PDXDC1: variants seen among roughly 807,000 people sequenced by gnomAD.
PDXDC1 encodes pyridoxal dependent decarboxylase domain containing 1, also known as pyridoxal-dependent decarboxylase domain-containing protein 1.
A neutral mutation model predicts 100.1 loss-of-function variants in PDXDC1; 42 were observed. The observed-to-expected ratio is 0.42, with a 90% CI of 0.33 to 0.54. The LOEUF (loss-of-function observed/expected upper bound fraction) is 0.54. Among genes scored for constraint, PDXDC1 ranks in the 20% least tolerant of loss-of-function variants. The pLI is 0.10. For missense variants in PDXDC1, 636 were observed against 979.2 expected (o/e 0.65, Z 4.68); for synonymous variants, 260 against 371.7 (o/e 0.70, Z 3.46).
chr16:15,016,924 AT>A (rs1255167257), intron 9 of PDXDC1, among the ~76,000 whole-genome samples, 195 bp from the exon 10 acceptor site: 15 of 152,284 alleles, frequency 9.9e-5, no homozygotes, highest in African/African-American at 3.6e-4. Context: ...CCTGAGACAC[AT>A]TTTTATTAAA....
intron 16 of PDXDC1, among the ~76,000 whole-genome samples, chr16:15,096,791 C>T (rs1482406589): frequency 6.6e-6 from 1 of 152,232 alleles, no homozygotes; most frequent in African/African-American, 2.4e-5. Context: ...TTATGCAATC[C>T]TCTCACCTCA....
At chr16:15,083,395 T>C (rs1302461983) in intron 16 of PDXDC1, 2 of 1,470,522 alleles carry the variant, frequency 1.4e-6, no homozygotes, top group Non-Finnish European at 1.8e-6. Flanking sequence ...TGAGACTCGG[T>C]CTCAAAAAAG....
At chr16:15,071,099 T>C (rs778942439) in intron 16 of PDXDC1, 9 of 1,586,278 alleles carry the variant, frequency 5.7e-6, no homozygotes, top group East Asian at 2.2e-5. Context: ...TTAAAAAGTA[T>C]TCGGAAAATT....
At chr16:15,100,560 T>G (rs1180167442) in intron 16 of PDXDC1, among the ~76,000 whole-genome samples, 1 of 152,146 alleles carries the variant, frequency 6.6e-6, no homozygotes, top group Non-Finnish European at 1.5e-5. Flanking sequence ...TTCAGCAGCA[T>G]CCCTGGCCTC....
chr16:15,111,694 G>A (rs1424564436), intron 16 of PDXDC1, among the ~76,000 whole-genome samples: 1 of 125,416 alleles, frequency 8.0e-6, no homozygotes. Flanking sequence ...AGAGGCAGAG[G>A]TTGCAGTGAG....
chr16:15,031,910 A>T lies in PDXDC1; in HGVS notation c.1571+4A>T. On this transcript the variant is annotated splice_donor_region_variant and intron_variant, in intron 17 of 22. Coordinates refer to ENST00000396410, the MANE Select transcript of PDXDC1 (RefSeq NM_015027.4). ...GGTCTGGAATAGGGGTTGTCAGGTAAAGTCTTGGCCTGCCGCTTGATGTTG... is the reference window on the plus strand; with the variant it reads ...GGTCTGGAATAGGGGTTGTCAGGTATAGTCTTGGCCTGCCGCTTGATGTTG... 1 of 1,598,504 alleles carries T rather than the reference A, an allele frequency of 6.3e-7. No homozygotes were observed. The highest frequency in any genetic ancestry group is 8.5e-7 in the Non-Finnish European group (1 of 1,170,692).
chr16:15,075,609 G>C (rs2045421558), intron 16 of PDXDC1, among the ~76,000 whole-genome samples: 1 of 151,842 alleles, frequency 6.6e-6, no homozygotes, highest in African/African-American at 2.4e-5. Context: ...AAGAAATGCA[G>C]ACACCTTTCC....
intron 1 of PDXDC1, among the ~76,000 whole-genome samples, chr16:14,976,157 C>G (rs1279673741): frequency 6.6e-6 from 1 of 152,290 alleles, no homozygotes; most frequent in Non-Finnish European, 1.5e-5. Context: ...GCTTTCGGTA[C>G]CTGACATTCT....
At chr16:14,982,082 G>C (rs1475248797) in intron 1 of PDXDC1, among the ~76,000 whole-genome samples, 2 of 152,272 alleles carry the variant, frequency 1.3e-5, no homozygotes, top group Non-Finnish European at 2.9e-5. Flanking sequence ...CACTGCACCC[G>C]GCCTATTTTT....
chr16:15,101,189 C>T (rs1012648911), intron 16 of PDXDC1, among the ~76,000 whole-genome samples: 2 of 152,144 alleles, frequency 1.3e-5, no homozygotes, highest in Non-Finnish European at 2.9e-5. Flanking sequence ...GGCAGGTTCT[C>T]CGTAAATGAC....
At chr16:15,002,246 G>T (rs1973320896) in intron 4 of PDXDC1, among the ~76,000 whole-genome samples, 1 of 152,268 alleles carries the variant, frequency 6.6e-6, no homozygotes, top group Non-Finnish European at 1.5e-5. Context: ...TTATTCTCTT[G>T]GTTCAAAATT....
In PDXDC1 at chr16:15,029,973, T is replaced by C; in HGVS notation, c.1316T>C (p.Leu439Pro). Residue 439 changes from leucine to proline, a missense_variant, in exon 16 of 23, where the codon CTG (leucine) becomes CCG (proline). Physicochemically the swap from Leu to Pro is moderately conservative, Grantham distance 98 (BLOSUM62 -3). Coordinates refer to ENST00000396410, the MANE Select transcript of PDXDC1 (RefSeq NM_015027.4). ...CAGCTGGGAGAACAGCTGAAGCAGC[T>C]GGTGCCTGCAAGCGGCCTCACAGTC... ...NRWLGEQLKQLVPASGLTVMD... is the reference protein window; with the variant it reads ...NRWLGEQLKQPVPASGLTVMD... 1 of 1,554,534 alleles carries C rather than the reference T, an allele frequency of 6.4e-7. No individual in the cohort carries two copies. Among genetic ancestry groups the C allele is most frequent in the Non-Finnish European group, 8.7e-7 (1 of 1,148,530 alleles).
chr16:14,993,259 A>G (rs1033319320), intron 1 of PDXDC1, among the ~76,000 whole-genome samples: 2 of 152,142 alleles, frequency 1.3e-5, no homozygotes, highest in Non-Finnish European at 1.5e-5. Context: ...TTCATTTAAC[A>G]TTAGTTATAT....
At chr16:15,041,201 G>A (rs1451907819), downstream of PDXDC1, 1 of 954,376 alleles carries the variant, frequency 1.0e-6, no homozygotes, top group East Asian at 2.5e-5. Context: ...TAAAGGCGAA[G>A]GAGGAGCTCC....
chr16:15,125,376 G>A, intron 16 of PDXDC1: 1 of 722,586 alleles, frequency 1.4e-6, no homozygotes, highest in Non-Finnish European at 2.4e-6. Flanking sequence ...CACACACACA[G>A]CCCACCCCCG....
In PDXDC1 at chr16:15,004,168, C is replaced by T. The variant is rs368700069; in HGVS notation, c.243-19C>T. On this transcript the variant is annotated intron_variant, in intron 4 of 22. Coordinates refer to ENST00000396410, the MANE Select transcript of PDXDC1 (RefSeq NM_015027.4). Reference sequence around the variant, plus strand: ...CCTTTTTTATGGTTTGACTCTAATACTTTAATTTTGCTTAACAGAATCCAA... The same window carrying T: ...CCTTTTTTATGGTTTGACTCTAATATTTTAATTTTGCTTAACAGAATCCAA... 1 of 1,608,564 alleles carries T rather than the reference C, an allele frequency of 6.2e-7. No individual in the cohort carries two copies. The highest frequency in any genetic ancestry group is 8.5e-7 in the Non-Finnish European group (1 of 1,176,414).
At chr16:15,133,487 C>T (rs2048206464) in intron 16 of PDXDC1, 6 of 847,870 alleles carry the variant, frequency 7.1e-6, no homozygotes, top group African/African-American at 3.4e-5. Context: ...CGGCCTGGCT[C>T]ACCTGTTGAG....
At chr16:15,001,634 T>C in intron 3 of PDXDC1, 142 bp from the exon 4 acceptor site, 1 of 590,964 alleles carries the variant, frequency 1.7e-6, no homozygotes, top group Non-Finnish European at 2.9e-6. Flanking sequence ...GCATAAACTA[T>C]ATACCACGTT....
At chr16:15,133,290 G>C (rs1022790723) in intron 16 of PDXDC1, 3 of 1,578,536 alleles carry the variant, frequency 1.9e-6, no homozygotes, top group African/African-American at 1.3e-5. Context: ...ACCAGGGCCA[G>C]CGAGTACTCG....
Sources: allele counts gnomAD v4.1 joint callset (sites outside exome capture counted in the v4.1 genomes callset), GRCh38; gene constraint gnomAD v4.1.1; transcripts MANE v1.5; gene names NCBI Gene and HGNC (gene_info 2026-07-23, HGNC 2026-07-21).